The following BABAM2 variants were observed in gnomAD, a reference collection of about 807,000 sequenced individuals.
The protein encoded by BABAM2 is BRISC and BRCA1 A complex member 2.
BABAM2 carries 31 observed loss-of-function variants against 54.7 expected under a neutral mutation model. That is an observed-to-expected ratio of 0.57 (90% CI 0.43 to 0.77). The LOEUF is 0.77. Ranked by LOEUF, BABAM2 falls within the 30% of genes least tolerant of loss-of-function variation. BABAM2 has a pLI of 0.00. For synonymous variants in BABAM2, 167 were observed against 162.9 expected (o/e 1.03, Z -0.19); for missense variants, 364 against 455.8 (o/e 0.80, Z 1.83).
intron 10 of BABAM2, among the ~76,000 whole-genome samples, chr2:28,256,771 T>C (rs1220710324): frequency 1.4e-5 from 2 of 146,146 alleles, no homozygotes; most frequent in East Asian, 4.2e-4. Flanking sequence ...CTCAGCTCAC[T>C]GCAGCCTCTG....
intron 7 of BABAM2, among the ~76,000 whole-genome samples, chr2:28,221,001 C>T (rs1474913317): frequency 1.3e-5 from 2 of 152,124 alleles, no homozygotes; most frequent in Non-Finnish European, 2.9e-5. Flanking sequence ...ATGATCTCGT[C>T]GATTCCCAAG....
intron 7 of BABAM2, among the ~76,000 whole-genome samples, chr2:28,201,353 G>T (rs1678252386): frequency 6.6e-6 from 1 of 152,076 alleles, no homozygotes; most frequent in Non-Finnish European, 1.5e-5. Flanking sequence ...TATGGCTAAT[G>T]TGGACCCAAT....
chr2:27,988,386 CATAAT>C (rs1672551501), intron 4 of BABAM2, among the ~76,000 whole-genome samples: 1 of 152,102 alleles, frequency 6.6e-6, no homozygotes, highest in Admixed American at 6.6e-5. Context: ...TTTGTTTTAA[CATAAT>C]ATATCATGCC....
At chr2:28,136,282 C>T (rs72814469) in intron 7 of BABAM2, among the ~76,000 whole-genome samples, 13,878 of 152,262 alleles carry the variant, frequency 0.091, 1,072 homozygotes, top group African/African-American at 0.21. Flanking sequence ...CCGCCACTGC[C>T]TGCCTCCACA....
intron 7 of BABAM2, among the ~76,000 whole-genome samples, chr2:28,139,735 C>T (rs1670881982): frequency 6.6e-6 from 1 of 152,152 alleles, no homozygotes; most frequent in Admixed American, 6.5e-5. Flanking sequence ...TGCAGATGTG[C>T]TCTGAATGAC....
At chr2:28,285,670 ATAGTAAGTCCATTATC>A (rs1212713547) in intron 10 of BABAM2, among the ~76,000 whole-genome samples, 1 of 152,116 alleles carries the variant, frequency 6.6e-6, no homozygotes, top group Admixed American at 6.5e-5. Flanking sequence ...GATTTTTCAC[ATAGTAAGTCCATTATC>A]AAGCCTTCCA....
intron 7 of BABAM2, among the ~76,000 whole-genome samples, chr2:28,175,056 C>T (rs1475337309): frequency 6.6e-6 from 1 of 152,190 alleles, no homozygotes; most frequent in African/African-American, 2.4e-5. Context: ...TTGCCACTGA[C>T]AGCAACCACC....
intron 7 of BABAM2, among the ~76,000 whole-genome samples, chr2:28,226,467 G>T (rs1321243660): frequency 2.0e-5 from 3 of 152,082 alleles, no homozygotes; most frequent in African/African-American, 4.8e-5. Context: ...TAAGAATAAT[G>T]AGGTTATAAA....
chr2:28,105,198 T>C (rs1481472721), intron 6 of BABAM2, among the ~76,000 whole-genome samples: 2 of 151,836 alleles, frequency 1.3e-5, no homozygotes, highest in South Asian at 2.1e-4. Flanking sequence ...TAAAACATAA[T>C]AATAATAAAG....
chr2:28,190,077 A>C (rs1289495024), intron 7 of BABAM2, among the ~76,000 whole-genome samples: 8 of 152,230 alleles, frequency 5.3e-5, no homozygotes. Flanking sequence ...TGCTGGAACA[A>C]CTGGATAGCC....
At chr2:28,130,176 G>T (rs1033843604) in intron 7 of BABAM2, among the ~76,000 whole-genome samples, 1 of 152,168 alleles carries the variant, frequency 6.6e-6, no homozygotes, top group Non-Finnish European at 1.5e-5. Flanking sequence ...TTCTCTGTGA[G>T]TCATTTAGTT....
chr2:27,930,111 G>A (rs1356585623), intron 3 of BABAM2: 2 of 490,762 alleles, frequency 4.1e-6, no homozygotes, highest in Non-Finnish European at 7.2e-6. Flanking sequence ...TGGTTAAATA[G>A]GCATGCACAG....
At chr2:28,063,332 T>C (rs555329633) in intron 6 of BABAM2, among the ~76,000 whole-genome samples, 6 of 152,196 alleles carry the variant, frequency 3.9e-5, no homozygotes, top group Admixed American at 6.5e-5. Flanking sequence ...AGTAACCACA[T>C]TGAAAGAACT....
chr2:28,177,337 G>A (rs1290250425), intron 7 of BABAM2, among the ~76,000 whole-genome samples: 2 of 151,848 alleles, frequency 1.3e-5, no homozygotes, highest in Non-Finnish European at 2.9e-5. Context: ...GAGAAATAAG[G>A]TCTTTCCTAG....
intron 11 of BABAM2, chr2:28,308,261 A>C (rs1483826909): frequency 2.5e-6 from 1 of 402,286 alleles, no homozygotes; most frequent in Non-Finnish European, 4.8e-6. Context: ...GTCCACAGCC[A>C]CAAAAAGAAG....
chr2:28,255,654 TTTTG>T (rs1174006366), intron 10 of BABAM2, among the ~76,000 whole-genome samples: 7 of 151,974 alleles, frequency 4.6e-5, no homozygotes, highest in African/African-American at 1.2e-4. Flanking sequence ...ACTTAGAAGT[TTTTG>T]TTTGTTTGTT....
intron 7 of BABAM2, among the ~76,000 whole-genome samples, chr2:28,169,418 G>A (rs1248844353): frequency 4.6e-5 from 7 of 152,112 alleles, no homozygotes; most frequent in Non-Finnish European, 1.0e-4. Flanking sequence ...TGAGTGGAGT[G>A]TTTTTACCTG....
intron 3 of BABAM2, among the ~76,000 whole-genome samples, chr2:27,964,529 T>C (rs1199384874): frequency 6.6e-6 from 1 of 152,156 alleles, no homozygotes; most frequent in Non-Finnish European, 1.5e-5. Context: ...TTAGCAAAAC[T>C]TTGGGTCTAC....
At chr2:27,925,542 A>G (rs1667629897) in intron 2 of BABAM2, among the ~76,000 whole-genome samples, 1 of 152,154 alleles carries the variant, frequency 6.6e-6, no homozygotes, top group African/African-American at 2.4e-5. Context: ...CCTGGGGGGT[A>G]AACACAAGAC....
Sources: allele counts gnomAD v4.1 joint callset (sites outside exome capture counted in the v4.1 genomes callset), GRCh38; gene constraint gnomAD v4.1.1; transcripts MANE v1.5; gene names NCBI Gene and HGNC (gene_info 2026-07-23, HGNC 2026-07-21).